Variants in PPFIBP1 observed in about 807,000 individuals in gnomAD.
PPFIBP1 encodes PPFIB scaffold protein 1.
In PPFIBP1, 112 loss-of-function variants were observed where a neutral mutation model predicts 137.8. The ratio of observed to expected loss-of-function variants is 0.81; its 90% CI spans 0.70 to 0.95. The LOEUF is 0.95. Ranked by LOEUF, PPFIBP1 falls within the 40% of genes least tolerant of loss-of-function variation. PPFIBP1 has a pLI of 0.00. For synonymous variants in PPFIBP1, 378 were observed against 417.3 expected (o/e 0.91, Z 1.15); for missense variants, 1,083 against 1,196.6 (o/e 0.91, Z 1.40).
chr12:27,595,780 G>A (rs2053148580), intron 2 of PPFIBP1, among the ~76,000 whole-genome samples: 1 of 151,596 alleles, frequency 6.6e-6, no homozygotes, highest in Non-Finnish European at 1.5e-5. Context: ...CTTGAACCCA[G>A]GAGGCAGAGG....
chr12:27,659,269 A>G (rs1240963838), intron 10 of PPFIBP1, among the ~76,000 whole-genome samples: 1 of 152,162 alleles, frequency 6.6e-6, no homozygotes, highest in Non-Finnish European at 1.5e-5. Context: ...TCTGGGATCT[A>G]TTAGAAGCTC....
intron 2 of PPFIBP1, among the ~76,000 whole-genome samples, chr12:27,615,689 T>C (rs934202408): frequency 6.6e-6 from 1 of 152,210 alleles, no homozygotes; most frequent in Non-Finnish European, 1.5e-5. Flanking sequence ...CTGGAAAATT[T>C]GTTTGAGCAA....
chr12:27,676,812 T>C, intron 18 of PPFIBP1: 2 of 712,260 alleles, frequency 2.8e-6, no homozygotes, highest in South Asian at 1.7e-5. Flanking sequence ...TCCTGTGGTA[T>C]AAACTTAGCG....
rs894017006 is a variant in PPFIBP1 at position 27,676,401 on chromosome 12, G to C, written c.1411-27G>C. On this transcript the variant is annotated intron_variant, in intron 17 of 29. Transcript: ENST00000228425. ...GCTGAGGATGCTGCACCTGAGAGCT[G>C]TTTCACTATTCTTATTTGCCTCTCA... 2.8e-6 allele frequency: 4 copies of C among 1,451,030 alleles called. No homozygotes were observed. In the African/African-American group the frequency reaches 5.8e-5, roughly 21 times the overall value. The allele number at this position is 1,451,030 out of a possible 1,614,324, so 89.9% of individuals were successfully genotyped here. A position where few individuals can be genotyped will look rare whatever the true frequency, so the allele number is the denominator to read the frequency against.
intron 9 of PPFIBP1, chr12:27,657,050 A>G (rs1455404223): frequency 9.7e-6 from 2 of 206,326 alleles, no homozygotes; most frequent in Non-Finnish European, 1.9e-5. Context: ...GTTAAAAAGA[A>G]CCATCCCTGT....
intron 11 of PPFIBP1, 75 bp downstream of exon 11, chr12:27,661,020 G>A (rs2059511585): frequency 1.9e-6 from 3 of 1,573,552 alleles, no homozygotes; most frequent in Admixed American, 1.8e-5. Flanking sequence ...AATTTCATGA[G>A]CTATGCCATT....
chr12:27,585,200 A>T (rs2051582860), intron 2 of PPFIBP1, among the ~76,000 whole-genome samples: 1 of 152,252 alleles, frequency 6.6e-6, no homozygotes, highest in African/African-American at 2.4e-5. Context: ...TAGAAATGCA[A>T]TGGCTTTAAA....
intron 2 of PPFIBP1, among the ~76,000 whole-genome samples, chr12:27,587,762 C>A (rs2051964195): frequency 6.7e-6 from 1 of 150,266 alleles, no homozygotes; most frequent in Non-Finnish European, 1.5e-5. Flanking sequence ...TCTTTTTTTT[C>A]CTGGACTACT....
intron 2 of PPFIBP1, among the ~76,000 whole-genome samples, chr12:27,579,219 A>T (rs1355225334): frequency 6.6e-6 from 1 of 152,222 alleles, no homozygotes; most frequent in Non-Finnish European, 1.5e-5. Context: ...TGAGCTATCT[A>T]AGGTCCATGG....
chr12:27,647,602 AT>A (rs58956640), intron 5 of PPFIBP1, 126 bp from the exon 6 acceptor site: 15,386 of 563,640 alleles, frequency 0.027, 908 homozygotes, highest in African/African-American at 0.16. Flanking sequence ...TACTTCTCAG[AT>A]TTTTTTTTCT....
chr12:27,662,602 G>T (rs112893111), intron 11 of PPFIBP1, among the ~76,000 whole-genome samples: 2 of 152,288 alleles, frequency 1.3e-5, no homozygotes, highest in African/African-American at 4.8e-5. Context: ...AAAAACGAGA[G>T]AAAATTTCTG....
In PPFIBP1 at chr12:27,563,040, A is replaced by T. The variant is rs549095529; in HGVS notation, c.-123-15112A>T. On this transcript the variant is annotated intron_variant, in intron 1 of 29. Coordinates refer to ENST00000228425, the MANE Select transcript of PPFIBP1 (RefSeq NM_003622.4). ...GCTAATCTAGGCACTGCTGTGAAGGAACTTTGCAGATGGAATTAAGGTTAC... is the reference window on the plus strand; with the variant it reads ...GCTAATCTAGGCACTGCTGTGAAGGTACTTTGCAGATGGAATTAAGGTTAC... Among the ~76,000 whole-genome samples the T allele has an allele frequency of 3.3e-5, 5 of 151,682 alleles. No homozygotes were observed. In the East Asian group the frequency reaches 9.8e-4, roughly 30 times the overall value.
At chr12:27,689,531 C>G (rs2061398365) in intron 27 of PPFIBP1, among the ~76,000 whole-genome samples, 1 of 152,162 alleles carries the variant, frequency 6.6e-6, no homozygotes, top group Non-Finnish European at 1.5e-5. Flanking sequence ...ACAGTACACT[C>G]CAAAAACCAA....
At chr12:27,606,497 A>G (rs988568933) in intron 2 of PPFIBP1, among the ~76,000 whole-genome samples, 1 of 152,156 alleles carries the variant, frequency 6.6e-6, no homozygotes, top group Non-Finnish European at 1.5e-5. Context: ...CTTTTTTTCC[A>G]CCAGAAAGTC....
At position 27,677,092 on chromosome 12, in the gene PPFIBP1, C is replaced by T; in HGVS notation, c.1611C>T (p.Thr537=). Reference sequence around the variant, plus strand: ...GTAAACGAAGTGCCAGTGCACCCACCCTAGGTATTGTACCCCTGCATGCCA... The same window carrying T: ...GTAAACGAAGTGCCAGTGCACCCACTCTAGGTATTGTACCCCTGCATGCCA... The part of the protein sequence containing the change: ...LDRKRSASAP[T]LAETEKETAE... Residue 537 remains threonine (T), a synonymous_variant, in exon 19 of 30, where the codon ACC becomes ACT. Coordinates refer to ENST00000228425, the MANE Select transcript of PPFIBP1 (RefSeq NM_003622.4). 6.2e-7 allele frequency: 1 copy of T among 1,614,106 alleles called. No homozygotes were observed. Among genetic ancestry groups the T allele is most frequent in the Non-Finnish European group, 8.5e-7 (1 of 1,180,010 alleles).
At chr12:27,541,953 T>C (rs1009958076) in intron 1 of PPFIBP1, among the ~76,000 whole-genome samples, 1 of 152,158 alleles carries the variant, frequency 6.6e-6, no homozygotes, top group African/African-American at 2.4e-5. Context: ...TTTTAGGTTT[T>C]GGAGTCAGAC....
rs1403544248 is a variant in PPFIBP1 at position 27,588,578 on chromosome 12, G to T, written c.-36+10339G>T. Among the ~76,000 whole-genome samples, 3 of 152,152 alleles carry T rather than the reference G, an allele frequency of 2.0e-5. No individual in the cohort carries two copies. The South Asian group carries it at 6.2e-4, about 32-fold the overall frequency. Reference sequence around the variant, plus strand: ...GGGTTTTCTTTTCCTTTCTGAGTGGGTATGCAGGAAACCTGTACCCTAGGG... The same window carrying T: ...GGGTTTTCTTTTCCTTTCTGAGTGGTTATGCAGGAAACCTGTACCCTAGGG... On this transcript the variant is annotated intron_variant, in intron 2 of 29. Transcript: ENST00000228425.
intron 1 of PPFIBP1, among the ~76,000 whole-genome samples, chr12:27,540,903 T>C (rs1945579599): frequency 6.6e-6 from 1 of 152,278 alleles, no homozygotes; most frequent in Admixed American, 6.5e-5. Context: ...CTCTAGTTCG[T>C]GTATTTCACT....
intron 1 of PPFIBP1, among the ~76,000 whole-genome samples, chr12:27,560,937 A>ATT (rs35115461): frequency 0.87 from 132,301 of 152,098 alleles, 57,763 homozygotes; most frequent in Non-Finnish European, 0.9. Flanking sequence ...TGAAGAGATG[A>ATT]TTTTTGCTAG....
Sources: gnomAD v4.1 joint callset for allele counts (sites outside exome capture counted in the v4.1 genomes callset) on GRCh38, gnomAD v4.1.1 for gene constraint, MANE v1.5 for transcripts, NCBI Gene and HGNC (gene_info 2026-07-23, HGNC 2026-07-21) for gene names.